ITSN1: variants seen among roughly 807,000 people sequenced by gnomAD.
ITSN1 encodes intersectin 1.
In ITSN1, 58 loss-of-function variants were observed where a neutral mutation model predicts 239.8. The ratio of observed to expected loss-of-function variants is 0.24; its 90% confidence interval spans 0.20 to 0.30. The LOEUF (loss-of-function observed/expected upper bound fraction) is 0.30. Among genes scored for constraint, ITSN1 ranks in the 10% least tolerant of loss-of-function variants. The probability of loss-of-function intolerance (pLI) is 1.00; values close to 1 mark genes in which losing one functional copy is unlikely to be tolerated. For missense variants in ITSN1, 1,558 were observed against 2,103.3 expected, an observed-to-expected ratio of 0.74 and a Z score of 5.07; for synonymous variants, 780 against 770.8, an observed-to-expected ratio of 1.01 and a Z score of -0.20.
At chr21:33,715,615 A>G (rs2065089409) in intron 1 of ITSN1, among the ~76,000 whole-genome samples, 1 of 152,236 alleles carries the variant, frequency 6.6e-6, no homozygotes, top group Non-Finnish European at 1.5e-5. Context: ...TGTCGAGGAA[A>G]AGAAAGGCAG....
chr21:33,827,491 A>G (rs1251989033), intron 26 of ITSN1, among the ~76,000 whole-genome samples: 8 of 152,248 alleles, frequency 5.3e-5, no homozygotes, highest in Non-Finnish European at 1.2e-4. Flanking sequence ...CTGTAGGATT[A>G]TGGGCTCAGC....
At chr21:33,745,190 C>G (rs1174315068) in intron 5 of ITSN1, among the ~76,000 whole-genome samples, 1 of 152,190 alleles carries the variant, frequency 6.6e-6, no homozygotes, top group Non-Finnish European at 1.5e-5. Flanking sequence ...TTGATCCATT[C>G]TTTGGATGTA....
chr21:33,847,755 C>T (rs2075030163), intron 29 of ITSN1, among the ~76,000 whole-genome samples: 2 of 152,190 alleles, frequency 1.3e-5, no homozygotes, highest in Admixed American at 1.3e-4. Flanking sequence ...GGATTCAGCT[C>T]AGCAGTTGTG....
intron 8 of ITSN1, among the ~76,000 whole-genome samples, chr21:33,758,914 A>G (rs1489526913): frequency 6.6e-6 from 1 of 152,130 alleles, no homozygotes; most frequent in Admixed American, 6.5e-5. Flanking sequence ...AGTTCTGTGC[A>G]CTCAAAGCTC....
intron 1 of ITSN1, among the ~76,000 whole-genome samples, chr21:33,691,232 A>G (rs527816496): frequency 6.6e-6 from 1 of 152,316 alleles, no homozygotes; most frequent in Admixed American, 6.5e-5. Context: ...TAACTGTCAT[A>G]TAATAAACAG....
At chr21:33,784,500 C>A (rs2070484781) in intron 16 of ITSN1, among the ~76,000 whole-genome samples, 1 of 152,040 alleles carries the variant, frequency 6.6e-6, no homozygotes, top group Admixed American at 6.5e-5. Context: ...GAGACCCTGT[C>A]TCAAAAAACA....
chr21:33,834,944 G>T (rs1374904584), intron 28 of ITSN1, among the ~76,000 whole-genome samples: 1 of 152,156 alleles, frequency 6.6e-6, no homozygotes. Context: ...TTTCCTGGAG[G>T]ACTGGAAAAG....
At chr21:33,686,983 T>C (rs1309683925) in intron 1 of ITSN1, among the ~76,000 whole-genome samples, 8 of 152,164 alleles carry the variant, frequency 5.3e-5, no homozygotes, top group Admixed American at 1.3e-4. Flanking sequence ...TTCCTATATA[T>C]TTTGCAGAAT....
At chr21:33,874,012 A>G (rs1377773360) in intron 33 of ITSN1, among the ~76,000 whole-genome samples, 6 of 148,270 alleles carry the variant, frequency 4.0e-5, no homozygotes, top group Admixed American at 6.7e-5. Context: ...AAATACAAAA[A>G]TTAGCCAGGC....
chr21:33,868,735 C>T (rs1020518092), intron 33 of ITSN1, among the ~76,000 whole-genome samples: 6 of 152,180 alleles, frequency 3.9e-5, no homozygotes, highest in African/African-American at 9.6e-5. Flanking sequence ...GAGGGGGCTT[C>T]GGCCTTGGCC....
rs71194863 is a variant in ITSN1, at chr21:33,730,388, C to CTTTT, written c.186-4631_186-4628dup. 4.7e-4 allele frequency among the ~76,000 whole-genome samples: 23 copies of CTTTT among 49,366 alleles called. 1 individual carries two copies. Among genetic ancestry groups the CTTTT allele is most frequent in the East Asian group, 1.4e-3 (2 of 1,464 alleles). The allele number at this position is 49,366 out of a possible 152,430, so 32.4% of individuals were successfully genotyped here. ...TAACCTGCTATAAATGCTCTCTGTT[C>CTTTT]TTTTTTTTTTTTTTTTTTTTTTTTT... On this transcript the variant is annotated intron_variant, in intron 4 of 39. Transcript: ENST00000381318.
chr21:33,738,002 G>A (rs923871327), intron 5 of ITSN1, among the ~76,000 whole-genome samples: 15 of 152,054 alleles, frequency 9.9e-5, no homozygotes, highest in African/African-American at 3.6e-4. Flanking sequence ...GGGAAACATG[G>A]CAAAACCCCA....
chr21:33,730,257 T>G (rs945591959), intron 4 of ITSN1, among the ~76,000 whole-genome samples: 3 of 152,044 alleles, frequency 2.0e-5, no homozygotes, highest in African/African-American at 7.2e-5. Flanking sequence ...TTGTATTAGT[T>G]TCCTGTTATC....
chr21:33,693,986 T>C (rs552569951), intron 1 of ITSN1, among the ~76,000 whole-genome samples: 2 of 152,376 alleles, frequency 1.3e-5, no homozygotes, highest in Non-Finnish European at 2.9e-5. Flanking sequence ...TAAAGTTTTA[T>C]ATTTTTAATT....
chr21:33,828,609 T>G (rs576010167), intron 26 of ITSN1, among the ~76,000 whole-genome samples: 1 of 152,344 alleles, frequency 6.6e-6, no homozygotes, highest in South Asian at 2.1e-4. Context: ...TTTCCATTCT[T>G]CTTTACTTCA....
At chr21:33,672,584 A>G (rs1408283492) in intron 1 of ITSN1, among the ~76,000 whole-genome samples, 1 of 152,250 alleles carries the variant, frequency 6.6e-6, no homozygotes. Context: ...TCCTCAGAAC[A>G]TTAAAAATAG....
At chr21:33,711,941 T>G (rs1353343943) in intron 1 of ITSN1, among the ~76,000 whole-genome samples, 1 of 152,176 alleles carries the variant, frequency 6.6e-6, no homozygotes, top group Non-Finnish European at 1.5e-5. Context: ...AAAAATAAAT[T>G]TATATTTACT....
intron 22 of ITSN1, among the ~76,000 whole-genome samples, chr21:33,814,808 C>T (rs1250549810): frequency 6.6e-6 from 1 of 152,090 alleles, no homozygotes; most frequent in Non-Finnish European, 1.5e-5. Flanking sequence ...CTGTTGGTGT[C>T]ACCCAGCTGA....
intron 5 of ITSN1, among the ~76,000 whole-genome samples, chr21:33,743,255 CAGG>C (rs2066974711): frequency 6.6e-6 from 1 of 152,234 alleles, no homozygotes; most frequent in South Asian, 2.1e-4. Context: ...CACCTGAGGT[CAGG>C]AGTTCAAGAC....
Sources: gnomAD v4.1 joint callset for allele counts (sites outside exome capture counted in the v4.1 genomes callset) on GRCh38, gnomAD v4.1.1 for gene constraint, MANE v1.5 for transcripts, NCBI Gene and HGNC (gene_info 2026-07-23, HGNC 2026-07-21) for gene names.